Variants in TNFRSF14 observed in about 807,000 individuals in gnomAD.
The protein encoded by TNFRSF14 is tumor necrosis factor receptor superfamily member 14.
Under a neutral mutation model 34.1 loss-of-function variants are expected in TNFRSF14, and 18 were observed. That is an observed-to-expected ratio of 0.53 (90% CI 0.36 to 0.78). The LOEUF is 0.78. TNFRSF14 is among the 30% of genes least tolerant of loss of function. The probability of loss-of-function intolerance (pLI) is 0.00; values close to 1 mark genes in which losing one functional copy is unlikely to be tolerated. For missense variants in TNFRSF14, 352 were observed against 379.5 expected (o/e 0.93, Z 0.60); for synonymous variants, 157 against 153.2 (o/e 1.02, Z -0.18).
chr1:2,558,184 A>G (rs1409431091), intron 2 of TNFRSF14, among the ~76,000 whole-genome samples, 159 bp from the exon 3 acceptor site: 1 of 152,182 alleles, frequency 6.6e-6, no homozygotes, highest in East Asian at 1.9e-4. Context: ...AGCTCTGCTC[A>G]TGGCTGATGG....
Position 2,563,673 on chromosome 1 carries a change from T to C in TNFRSF14, c.*400T>C, listed in dbSNP as rs906868784. ...CCGGGCACTGCCTCACAGCCAAGGC[T>C]GGACTGGGTTGGCTGCAGTGTGGTG... On this transcript the variant is annotated 3_prime_UTR_variant, in exon 8 of 8. Coordinates refer to ENST00000355716, the MANE Select transcript of TNFRSF14 (RefSeq NM_003820.4). The C allele has an allele frequency of 2.2e-5, 6 of 270,236 alleles. No individual in the cohort carries two copies. Among genetic ancestry groups the C allele is most frequent in the South Asian group, 1.3e-4 (1 of 7,932 alleles). The allele number at this position is 270,236 out of a possible 1,614,324, so 16.7% of individuals were successfully genotyped here. A position where few individuals can be genotyped will look rare whatever the true frequency, so the allele number is the denominator to read the frequency against.
chr1:2,563,332 C>T lies in TNFRSF14; in HGVS notation c.*59C>T, dbSNP rs1644339111. 5 of 1,597,854 alleles carry T rather than the reference C, an allele frequency of 3.1e-6. No individual in the cohort carries two copies. Among genetic ancestry groups the T allele is most frequent in the Admixed American group, 1.7e-5 (1 of 59,182 alleles). ...CTGGAGCGACGGCTGCTGAAAGAGG[C>T]TGTCCACCTGGCGGAACCACCGGAG... On this transcript the variant is annotated 3_prime_UTR_variant, in exon 8 of 8. Coordinates refer to ENST00000355716, the MANE Select transcript of TNFRSF14 (RefSeq NM_003820.4).
In TNFRSF14 at chr1:2,556,424, C is replaced by T. The variant is rs1161062643; in HGVS notation, c.-241C>T. On this transcript the variant is annotated 5_prime_UTR_variant, in exon 1 of 8. Coordinates refer to ENST00000355716, the MANE Select transcript of TNFRSF14 (RefSeq NM_003820.4). ...GGACAGCTCCTGCCTCCCGCAGGGCCCACCTGTGTCCCCCAGCGCCGCTCC... is the reference window on the plus strand; with the variant it reads ...GGACAGCTCCTGCCTCCCGCAGGGCTCACCTGTGTCCCCCAGCGCCGCTCC... The T allele has an allele frequency of 1.4e-6, 1 of 693,984 alleles. No individual in the cohort carries two copies. The highest frequency in any genetic ancestry group is 2.6e-6 in the Non-Finnish European group (1 of 380,170). The allele number at this position is 693,984 out of a possible 1,614,324, so 43.0% of individuals were successfully genotyped here. A position where few individuals can be genotyped will look rare whatever the true frequency, so the allele number is the denominator to read the frequency against.
chr1:2,562,727 AG>A, intron 6 of TNFRSF14, 137 bp from the exon 7 acceptor site: 1 of 1,130,374 alleles, frequency 8.8e-7, no homozygotes, highest in Non-Finnish European at 1.3e-6. Context: ...GCTCTCAGAG[AG>A]GGTCAGTCCC....
chr1:2,562,540 G>A, intron 6 of TNFRSF14: 1 of 508,624 alleles, frequency 2.0e-6, no homozygotes, highest in Non-Finnish European at 3.5e-6. Flanking sequence ...TGGTGGGCAG[G>A]GCCTCTCCAC....
At position 2,561,676 on chromosome 1, in the gene TNFRSF14, C is replaced by T. The variant is rs1644310931; in HGVS notation, c.555C>T (p.Cys185=). The T allele has an allele frequency of 6.2e-7, 1 of 1,613,098 alleles. No individual in the cohort carries two copies. Among genetic ancestry groups the T allele is most frequent in the Non-Finnish European group, 8.5e-7 (1 of 1,179,908 alleles). Residue 185 remains cysteine (C), a synonymous_variant, in exon 6 of 8, where the codon TGC becomes TGT. Coordinates refer to ENST00000355716, the MANE Select transcript of TNFRSF14 (RefSeq NM_003820.4). This position sits in a 1 kb window ranked among gnomAD's most constrained non-coding sequence, Gnocchi z 6.0. ...TLEECQHQTK[C]SWLVTKAGAG... is the part of the protein sequence containing the mutation. Reference sequence around the variant, plus strand: ...GTCCTCGGCCCCACTCCCGCAGGTGCAGCTGGCTGGTGACGAAGGCCGGAG... The same window carrying T: ...GTCCTCGGCCCCACTCCCGCAGGTGTAGCTGGCTGGTGACGAAGGCCGGAG...
At chr1:2,556,904 C>T (rs1328867514) in intron 1 of TNFRSF14, 171 bp downstream of exon 1, 2 of 647,514 alleles carry the variant, frequency 3.1e-6, no homozygotes, top group Admixed American at 3.0e-5. Context: ...GCACTGGGCT[C>T]ACCACAGTGG....
At position 2,557,133 on chromosome 1, in the gene TNFRSF14, C is replaced by T. The variant is rs1570581944; in HGVS notation, c.69+400C>T. The T allele has an allele frequency of 1.7e-5, 4 of 242,148 alleles. No homozygotes were observed. The East Asian group carries it at 3.3e-4, about 20-fold the overall frequency. 15.0% of individuals were successfully genotyped at this position (242,148 alleles called of 1,614,324 possible). Reference sequence around the variant, plus strand: ...GGTGACAGGTGATAAGATCAGTGTGCAGCAGGGGGCTGGACCCAGGTGGGT... The same window carrying T: ...GGTGACAGGTGATAAGATCAGTGTGTAGCAGGGGGCTGGACCCAGGTGGGT... On this transcript the variant is annotated intron_variant, in intron 1 of 7. Coordinates refer to ENST00000355716, the MANE Select transcript of TNFRSF14 (RefSeq NM_003820.4).
intron 1 of TNFRSF14, 124 bp downstream of exon 1, chr1:2,556,857 C>A: frequency 9.8e-7 from 1 of 1,020,074 alleles, no homozygotes; most frequent in Non-Finnish European, 1.4e-6. Context: ...AGCCCGTCCC[C>A]TGCTGCCTGG....
intron 1 of TNFRSF14, 72 bp downstream of exon 1, chr1:2,556,805 T>G (rs1644222490): frequency 3.4e-4 from 483 of 1,403,748 alleles, no homozygotes; most frequent in Middle Eastern, 5.0e-4. Context: ...CACAGATCTC[T>G]TCCCCATGCC....
In TNFRSF14 at chr1:2,559,952, G is replaced by C. The variant is rs752721865; in HGVS notation, c.434G>C (p.Ser145Thr). Residue 145 changes from serine to threonine, a missense_variant, in exon 4 of 8, where the codon AGC (serine) becomes ACC (threonine). Transcript: ENST00000355716. ...CAACRAYATS[S>T]PGQRVQKGGT... ...GCGTGCCGCGCTTACGCCACCTCCA[G>C]CCCGGGCCAGAGGGTGCAGAAGGGA... is the stretch of plus-strand genomic sequence containing the variant. 6.3e-7 allele frequency: 1 copy of C among 1,587,520 alleles called. No homozygotes were observed. Among genetic ancestry groups the C allele is most frequent in the Non-Finnish European group, 8.6e-7 (1 of 1,165,674 alleles).
chr1:2,560,747 C>T, intron 5 of TNFRSF14, 33 bp downstream of exon 5: 2 of 1,595,116 alleles, frequency 1.3e-6, no homozygotes, highest in South Asian at 1.1e-5. Context: ...CAGCTCTGTG[C>T]CCTGGGGAGG....
At position 2,563,489 on chromosome 1, in the gene TNFRSF14, CTG is replaced by C. The variant is rs962162542; in HGVS notation, c.*218_*219del. On this transcript the variant is annotated 3_prime_UTR_variant, in exon 8 of 8. Coordinates refer to ENST00000355716, the MANE Select transcript of TNFRSF14 (RefSeq NM_003820.4). ...ATGGGCCAGTGAGGGCCTGGGGCCTCTGTTCTGCTGTGGCCTGAGCTCCCCAG... is the reference window on the plus strand; with the variant it reads ...ATGGGCCAGTGAGGGCCTGGGGCCTCTTCTGCTGTGGCCTGAGCTCCCCAG... 8.8e-6 allele frequency: 6 copies of C among 685,306 alleles called. No homozygotes were observed. Among genetic ancestry groups the C allele is most frequent in the Non-Finnish European group, 1.4e-5 (6 of 425,098 alleles). The allele number at this position is 685,306 out of a possible 1,614,324, so 42.5% of individuals were successfully genotyped here.
At chr1:2,562,975 T>G (rs1020486014) in intron 7 of TNFRSF14, 79 bp downstream of exon 7, 38 of 1,478,988 alleles carry the variant, frequency 2.6e-5, no homozygotes, top group Non-Finnish European at 3.2e-5. Flanking sequence ...GTGTTTCTGG[T>G]GTACATGGTG....
chr1:2,556,977 C>T (rs1644225155), intron 1 of TNFRSF14: 1 of 467,582 alleles, frequency 2.1e-6, no homozygotes, highest in East Asian at 3.2e-5. Flanking sequence ...CCCCACTCAC[C>T]ACTCCGTCCA....
At chr1:2,560,530 C>T (rs1006975255) in intron 4 of TNFRSF14, 94 bp from the exon 5 acceptor site, 2 of 895,458 alleles carry the variant, frequency 2.2e-6, no homozygotes, top group African/African-American at 3.3e-5. Flanking sequence ...GTAGAGCACC[C>T]AGGTCTAGAA....
intron 3 of TNFRSF14, chr1:2,559,156 A>T: frequency 2.2e-6 from 3 of 1,364,322 alleles, no homozygotes; most frequent in East Asian, 3.4e-5. Context: ...GGCACAGGGC[A>T]GGTGGGCTAG....
At chr1:2,560,897 C>G (rs1330143448) in intron 5 of TNFRSF14, 183 bp downstream of exon 5, 2 of 606,806 alleles carry the variant, frequency 3.3e-6, no homozygotes, top group African/African-American at 3.7e-5. Context: ...CAGATAACCC[C>G]TTCCATGGGC....
rs1284779696 is a variant in TNFRSF14, at chr1:2,560,726, CG to C, written c.551+17del. On this transcript the variant is annotated intron_variant, in intron 5 of 7. Coordinates refer to ENST00000355716, the MANE Select transcript of TNFRSF14 (RefSeq NM_003820.4). Reference sequence around the variant, plus strand: ...CAGCACCAGACCAAGTAAGTGAACCCGGGGGAGGCCCAGCTCTGTGCCCTGG... The same window carrying C: ...CAGCACCAGACCAAGTAAGTGAACCCGGGGAGGCCCAGCTCTGTGCCCTGG... 6.2e-7 allele frequency: 1 copy of C among 1,612,136 alleles called. No individual in the cohort carries two copies.
Sources: gnomAD v4.1 joint callset for allele counts (sites outside exome capture counted in the v4.1 genomes callset) on GRCh38, gnomAD v4.1.1 for gene constraint, Gnocchi (gnomAD v3.1) non-coding constraint, MANE v1.5 for transcripts, NCBI Gene and HGNC (gene_info 2026-07-23, HGNC 2026-07-21) for gene names.